Variants in DPP3 observed in about 807,000 individuals in gnomAD.
The protein encoded by DPP3 is dipeptidyl peptidase 3, also known as DPP III.
DPP3 carries 64 observed loss-of-function variants against 89.8 expected under a neutral mutation model. The observed-to-expected ratio is 0.71, with a 90% CI of 0.58 to 0.88. The LOEUF (loss-of-function observed/expected upper bound fraction) is 0.88. Ranked by LOEUF, DPP3 falls within the 40% of genes least tolerant of loss-of-function variation. The pLI is 0.00. For missense variants in DPP3, 835 were observed against 972.5 expected, an observed-to-expected ratio of 0.86 and a Z score of 1.88; for synonymous variants, 377 against 404.3, an observed-to-expected ratio of 0.93 and a Z score of 0.81.
At chr11:66,494,054 T>C (rs988473174) in intron 12 of DPP3, among the ~76,000 whole-genome samples, 1 of 152,122 alleles carries the variant, frequency 6.6e-6, no homozygotes, top group African/African-American at 2.4e-5. Context: ...GGTGCTCCCA[T>C]CTGAGGCAGC....
At chr11:66,496,692 G>A (rs923437180) in intron 15 of DPP3, among the ~76,000 whole-genome samples, 2 of 152,134 alleles carry the variant, frequency 1.3e-5, no homozygotes, top group Admixed American at 6.6e-5. Context: ...GGGATTACAG[G>A]TGTGAGCCAC....
chr11:66,485,068 C>T (rs1029538675), intron 2 of DPP3, 105 bp from the exon 3 acceptor site: 14 of 1,100,380 alleles, frequency 1.3e-5, no homozygotes, highest in Non-Finnish European at 1.6e-5. Context: ...ATTTCCCAGC[C>T]TCACCCACAC....
Position 66,493,142 on chromosome 11 carries a change from A to G in DPP3, c.1259A>G (p.Gln420Arg), listed in dbSNP as rs2134733355. 1 of 1,614,086 alleles carries G rather than the reference A, an allele frequency of 6.2e-7. No homozygotes were observed. The highest frequency in any genetic ancestry group is 8.5e-7 in the Non-Finnish European group (1 of 1,180,036). ...GNVLAVAYAT[Q>R]REKLTFLEED... is the part of the protein sequence containing the mutation. ...GTGCTGGCTGTGGCCTACGCCACGC[A>G]GCGGGAGAAGCTTACCTTTCTGGAG... The change falls in exon 11 of 18, where the codon CAG (glutamine) becomes CGG (arginine). Residue 420 changes from glutamine to arginine, a missense_variant. Gln to Arg is a conservative substitution (Grantham distance 43). Transcript: ENST00000531863.
intron 16 of DPP3, among the ~76,000 whole-genome samples, chr11:66,504,109 G>A (rs1855744209): frequency 6.6e-6 from 1 of 152,162 alleles, no homozygotes; most frequent in Admixed American, 6.6e-5. Flanking sequence ...CATGAAGCCT[G>A]TTTTCCTTTT....
At chr11:66,504,832 C>T in intron 17 of DPP3, 58 bp downstream of exon 17, 1 of 1,514,758 alleles carries the variant, frequency 6.6e-7, no homozygotes, top group Non-Finnish European at 8.9e-7. Context: ...ACAGGGCCCT[C>T]TGGGAAGCAG....
chr11:66,496,203 A>G (rs1174952961), intron 15 of DPP3, among the ~76,000 whole-genome samples: 4 of 152,178 alleles, frequency 2.6e-5, no homozygotes, highest in Non-Finnish European at 4.4e-5. Flanking sequence ...CGGCTCAGTT[A>G]TGTGTCCTTT....
chr11:66,485,063 C>G, intron 2 of DPP3, 110 bp from the exon 3 acceptor site: 1 of 1,065,290 alleles, frequency 9.4e-7, no homozygotes. Context: ...CACACATTTC[C>G]CAGCCTCACC....
At chr11:66,498,734 T>C (rs1264388308) in intron 16 of DPP3, among the ~76,000 whole-genome samples, 1 of 152,176 alleles carries the variant, frequency 6.6e-6, no homozygotes, top group Non-Finnish European at 1.5e-5. Context: ...ATAAAACTGC[T>C]CAGTTTCCCT....
At chr11:66,486,420 G>A in intron 3 of DPP3, 120 bp from the exon 4 acceptor site, 1 of 1,277,550 alleles carries the variant, frequency 7.8e-7, no homozygotes, top group Non-Finnish European at 1.0e-6. Context: ...GCTGGTCCAT[G>A]GACCACACAA....
At chr11:66,494,843 G>A (rs1021148244) in intron 12 of DPP3, among the ~76,000 whole-genome samples, 2 of 152,234 alleles carry the variant, frequency 1.3e-5, no homozygotes, top group African/African-American at 4.8e-5. Flanking sequence ...AGCCCGTGGT[G>A]GGCACAGCTG....
intron 17 of DPP3, 143 bp downstream of exon 17, chr11:66,504,917 C>G: frequency 1.1e-6 from 1 of 870,264 alleles, no homozygotes; most frequent in Non-Finnish European, 1.6e-6. Context: ...CAAGGTCCTT[C>G]CCATGCCAAA....
intron 6 of DPP3, among the ~76,000 whole-genome samples, chr11:66,490,252 T>C (rs1855343941): frequency 6.6e-6 from 1 of 151,830 alleles, no homozygotes; most frequent in Admixed American, 6.6e-5. Context: ...ATTTTATTGA[T>C]CAGAGACAAC....
In DPP3 at chr11:66,504,547, A is replaced by G. The variant is rs967904252; in HGVS notation, c.1879-65A>G. The G allele has an allele frequency of 1.0e-5, 16 of 1,527,652 alleles. No individual in the cohort carries two copies. The African/African-American group carries it at 1.8e-4, about 17-fold the overall frequency. The allele number at this position is 1,527,652 out of a possible 1,614,324, so 94.6% of individuals were successfully genotyped here. ...GGCTGACCACAATCAGCTGTGGCCT[A>G]TGGCAGAGCCCTGTGGACACCGGGT... is the stretch of plus-strand genomic sequence containing the variant. On this transcript the variant is annotated intron_variant, in intron 16 of 17. Coordinates refer to ENST00000531863, the MANE Select transcript of DPP3 (RefSeq NM_130443.4).
intron 16 of DPP3, among the ~76,000 whole-genome samples, chr11:66,498,426 A>G (rs1458062903): frequency 3.3e-5 from 5 of 152,006 alleles, no homozygotes; most frequent in African/African-American, 1.2e-4. Flanking sequence ...ACAGGGTTTC[A>G]CCATGTTGGC....
chr11:66,487,742 C>T (rs1435569239), intron 5 of DPP3, among the ~76,000 whole-genome samples, 172 bp from the exon 6 acceptor site: 1 of 152,098 alleles, frequency 6.6e-6, no homozygotes, highest in Admixed American at 6.5e-5. Context: ...GCAGGAGAGT[C>T]GGCCCTGGGC....
chr11:66,480,607 G>A, intron 1 of DPP3, 142 bp downstream of exon 1: 1 of 1,001,266 alleles, frequency 1.0e-6, no homozygotes, highest in Non-Finnish European at 1.4e-6. Context: ...CGAGGCCAAG[G>A]AGTGCTCCGG....
At chr11:66,496,179 G>A (rs766712530) in intron 15 of DPP3, among the ~76,000 whole-genome samples, 3 of 152,236 alleles carry the variant, frequency 2.0e-5, no homozygotes, top group Non-Finnish European at 2.9e-5. Flanking sequence ...TGCCTACAGG[G>A]CCATTCAGTG....
intron 3 of DPP3, among the ~76,000 whole-genome samples, chr11:66,485,508 G>A (rs963095221): frequency 6.6e-6 from 1 of 152,230 alleles, no homozygotes; most frequent in African/African-American, 2.4e-5. Flanking sequence ...GCGAGATGTG[G>A]AAGTGTTCTG....
At position 66,493,465 on chromosome 11, in the gene DPP3, C is replaced by T; in HGVS notation, c.1297-76C>T. 3 of 1,483,872 alleles carry T rather than the reference C, an allele frequency of 2.0e-6. No individual in the cohort carries two copies. In the South Asian group the frequency reaches 3.6e-5, roughly 18 times the overall value. 91.9% of individuals were successfully genotyped at this position (1,483,872 alleles called of 1,614,324 possible). On this transcript the variant is annotated intron_variant, in intron 11 of 17. Transcript: ENST00000531863. ...CATGCACTGAGATGGGTCCATGGCC[C>T]AGGGGAGGGGAGGCCGACAGGCTGT...
Sources: gnomAD v4.1 joint callset for allele counts (sites outside exome capture counted in the v4.1 genomes callset) on GRCh38, gnomAD v4.1.1 for gene constraint, MANE v1.5 for transcripts, NCBI Gene and HGNC (gene_info 2026-07-23, HGNC 2026-07-21) for gene names.